Variants in IP6K3 observed in about 807,000 individuals in gnomAD.
IP6K3 encodes inositol hexakisphosphate kinase 3, also known as ATP:1D-myo-inositol-hexakisphosphate phosphotransferase.
In IP6K3, 20 loss-of-function variants were observed where a neutral mutation model predicts 28.8. The ratio of observed to expected loss-of-function variants is 0.70; its 90% confidence interval spans 0.49 to 1.01. IP6K3 has a LOEUF of 1.01. Among genes scored for constraint, IP6K3 ranks in the 50% least tolerant of loss-of-function variants. The pLI, the probability that IP6K3 is intolerant of heterozygous loss-of-function variation, is 0.00. For synonymous variants in IP6K3, 213 were observed against 221.3 expected (o/e 0.96, Z 0.33); for missense variants, 480 against 537.1 (o/e 0.89, Z 1.05).
At chr6:33,745,183 C>T (rs1766862385) in intron 1 of IP6K3, among the ~76,000 whole-genome samples, 1 of 152,268 alleles carries the variant, frequency 6.6e-6, no homozygotes, top group Non-Finnish European at 1.5e-5. Context: ...TATTGCTGTT[C>T]CCTGTGGCTG....
chr6:33,755,942 G>A, the IP6K3 span, among the ~76,000 whole-genome samples: 17 of 152,356 alleles, frequency 1.1e-4, no homozygotes, highest in African/African-American at 3.8e-4. Flanking sequence ...TCAGCTCACT[G>A]CAACCTCCAC....
the IP6K3 span, among the ~76,000 whole-genome samples, chr6:33,761,282 C>A: frequency 6.6e-6 from 1 of 152,186 alleles, no homozygotes; most frequent in East Asian, 1.9e-4. Context: ...CTGCCAGGGA[C>A]CCATGCCCTC....
At chr6:33,728,812 C>G (rs887586357) in intron 2 of IP6K3, among the ~76,000 whole-genome samples, 1 of 152,160 alleles carries the variant, frequency 6.6e-6, no homozygotes, top group Non-Finnish European at 1.5e-5. Context: ...GTGTCTTTAT[C>G]GGACCTGCTT....
chr6:33,722,836 T>C lies in IP6K3; in HGVS notation c.1117A>G (p.Thr373Ala), dbSNP rs768612651. ...VDIRMIDFAH[T>A]TYKGYWNEHT... is the part of the protein sequence containing the mutation. ...TCATTCCAGTAGCCCTTGTATGTGG[T>C]ATGAGCAAAGTCAATCATGCGGATG... The change falls in exon 6 of 6, where the codon ACC becomes GCC. Residue 373 changes from threonine (T) to alanine (A), a missense_variant. Physicochemically the swap from Thr to Ala is moderately conservative, Grantham distance 58 (BLOSUM62 0). Transcript: ENST00000293756. The C allele has an allele frequency of 4.5e-5, 72 of 1,613,350 alleles. No homozygotes were observed. Among genetic ancestry groups the C allele is most frequent in the Non-Finnish European group, 5.9e-5 (70 of 1,179,400 alleles).
intron 2 of IP6K3, among the ~76,000 whole-genome samples, chr6:33,732,726 G>T (rs1216735010): frequency 6.6e-6 from 1 of 152,210 alleles, no homozygotes; most frequent in Non-Finnish European, 1.5e-5. Context: ...TCAGTGTGCT[G>T]CGAGGATTGT....
chr6:33,761,264 T>C, the IP6K3 span, among the ~76,000 whole-genome samples: 1 of 151,982 alleles, frequency 6.6e-6, no homozygotes, highest in Non-Finnish European at 1.5e-5. Context: ...AGCTCCAAAG[T>C]AGCCCACCTG....
rs375710997 is a variant in IP6K3, at chr6:33,733,498, G to A, written c.199+1780C>T. Among the ~76,000 whole-genome samples the A allele has an allele frequency of 1.5e-4, 23 of 152,364 alleles. No individual in the cohort carries two copies. The East Asian group carries it at 1.5e-3, about 10-fold the overall frequency. ...TCTCCCACTTAGCCTGCGGCTGCCC[G>A]GCATCCATCTCAGCCCCAGAGCTGT... On this transcript the variant is annotated intron_variant, in intron 2 of 5. Coordinates refer to ENST00000293756, the MANE Select transcript of IP6K3 (RefSeq NM_054111.5).
the IP6K3 span, among the ~76,000 whole-genome samples, chr6:33,755,990 A>G: frequency 5.3e-5 from 8 of 152,020 alleles, no homozygotes; most frequent in Non-Finnish European, 1.0e-4. Context: ...TCAGCCTCCA[A>G]AGTAGCTGGG....
rs918093265 is a variant in IP6K3 at position 33,744,118 on chromosome 6, C to T, written c.-180+2640G>A. Reference sequence around the variant, plus strand: ...TGCGAGGGCTTCTCCCTCTTGGCCCCCTAATAGATCCTGACCCCTGGACAC... The same window carrying T: ...TGCGAGGGCTTCTCCCTCTTGGCCCTCTAATAGATCCTGACCCCTGGACAC... On this transcript the variant is annotated intron_variant, in intron 1 of 5. Coordinates refer to ENST00000293756, the MANE Select transcript of IP6K3 (RefSeq NM_054111.5). This position sits in a 1 kb window ranked among gnomAD's most constrained non-coding sequence, Gnocchi z 4.4. Among the ~76,000 whole-genome samples the T allele has an allele frequency of 6.6e-6, 1 of 152,156 alleles. No homozygotes were observed. The highest frequency in any genetic ancestry group is 2.4e-5 in the African/African-American group (1 of 41,428).
At chr6:33,728,437 G>A in intron 2 of IP6K3, 137 bp from the exon 3 acceptor site, 1 of 781,506 alleles carries the variant, frequency 1.3e-6, no homozygotes. Flanking sequence ...CCTCTCTCAA[G>A]GAAGAGCTAT....
Position 33,722,926 on chromosome 6 carries a change from G to A in IP6K3, c.1027C>T (p.Pro343Ser), listed in dbSNP as rs781109979. 3.7e-6 allele frequency: 6 copies of A among 1,613,956 alleles called. No individual in the cohort carries two copies. The highest frequency in any genetic ancestry group is 5.1e-6 in the Non-Finnish European group (6 of 1,180,026). The change falls in exon 6 of 6, where the codon CCG becomes TCG. Residue 343 changes from proline (P) to serine (S), a missense_variant. Coordinates refer to ENST00000293756, the MANE Select transcript of IP6K3 (RefSeq NM_054111.5). ...GCCTGGGGAGCCTCGTGAGGATGCGGGCTGCCTGGGGCTCTTTCTGGTGGT... is the reference window on the plus strand; with the variant it reads ...GCCTGGGGAGCCTCGTGAGGATGCGAGCTGCCTGGGGCTCTTTCTGGTGGT... ...QEPPERAPGSPHPHEAPQAAH... is the reference protein window; with the variant it reads ...QEPPERAPGSSHPHEAPQAAH...
At chr6:33,748,801 C>T (rs899106200), upstream of IP6K3, among the ~76,000 whole-genome samples, 11 of 152,066 alleles carry the variant, frequency 7.2e-5, no homozygotes, top group African/African-American at 2.7e-4. Flanking sequence ...GAGGGAAGAG[C>T]CCCACAGAAA....
intron 1 of IP6K3, among the ~76,000 whole-genome samples, chr6:33,741,502 C>T (rs1209248146): frequency 5.3e-5 from 8 of 151,888 alleles, no homozygotes; most frequent in Non-Finnish European, 1.0e-4. Flanking sequence ...AAAAAGTAGC[C>T]AGGTGTGGTG....
chr6:33,752,440 G>A, the IP6K3 span, among the ~76,000 whole-genome samples: 2 of 152,266 alleles, frequency 1.3e-5, no homozygotes, highest in African/African-American at 4.8e-5. Context: ...CCCAGGGCAT[G>A]CCTGAGCCTG....
chr6:33,733,379 G>A lies in IP6K3; in HGVS notation c.199+1899C>T, dbSNP rs371081875. On this transcript the variant is annotated intron_variant, in intron 2 of 5. Transcript: ENST00000293756. ...AGTGCTCAAGGGCACTGAGAGTGGG[G>A]CCCTCCTACCCACACTGGCTCATGG... Among the ~76,000 whole-genome samples, 55 of 152,336 alleles carry A rather than the reference G, an allele frequency of 3.6e-4. No homozygotes were observed. In the Middle Eastern group the frequency reaches 0.01, roughly 28 times the overall value.
At chr6:33,727,686 G>A (rs371107180) in intron 3 of IP6K3, among the ~76,000 whole-genome samples, 1 of 152,128 alleles carries the variant, frequency 6.6e-6, no homozygotes. Flanking sequence ...CAACTGCTAG[G>A]GAAAGAGGTG....
chr6:33,722,995 G>C lies in IP6K3; in HGVS notation c.958C>G (p.Arg320Gly), dbSNP rs769521530. The C allele has an allele frequency of 2.5e-6, 4 of 1,614,050 alleles. No individual in the cohort carries two copies. In the Admixed American group the frequency reaches 6.7e-5, roughly 27 times the overall value. Residue 320 changes from arginine (R) to glycine (G), a missense_variant, in exon 6 of 6, where the codon CGC (arginine) becomes GGC (glycine). Physicochemically the swap from Arg to Gly is moderately radical, Grantham distance 125 (BLOSUM62 -2). Transcript: ENST00000293756. ...ACAAGGAGAGAGCTGGAATAGAAGC[G>C]GTATGAACTCTGGCTCCTAATGACA... ...LSVIRSQSSY[R>G]FYSSSLLVIY...
the IP6K3 span, among the ~76,000 whole-genome samples, chr6:33,759,883 AAGG>A: frequency 6.6e-6 from 1 of 151,780 alleles, no homozygotes; most frequent in Non-Finnish European, 1.5e-5. Flanking sequence ...AAAAAAAAAA[AAGG>A]AGGGGAAAGG....
At chr6:33,760,480 C>T in the IP6K3 span, among the ~76,000 whole-genome samples, 1 of 152,210 alleles carries the variant, frequency 6.6e-6, no homozygotes, top group Non-Finnish European at 1.5e-5. Context: ...AGTCTGTTCA[C>T]TCCCTGCACA....
Sources: gnomAD v4.1 joint callset for allele counts (sites outside exome capture counted in the v4.1 genomes callset) on GRCh38, gnomAD v4.1.1 for gene constraint, Gnocchi (gnomAD v3.1) non-coding constraint, MANE v1.5 for transcripts, NCBI Gene and HGNC (gene_info 2026-07-23, HGNC 2026-07-21) for gene names.